ZNF251: variants seen among roughly 807,000 people sequenced by gnomAD.
ZNF251 encodes zinc finger protein 251.
A neutral mutation model predicts 13.5 loss-of-function variants in ZNF251; 14 were observed. The observed-to-expected ratio is 1.04, with a 90% CI of 0.69 to 1.63. ZNF251 has a LOEUF of 1.63. Among genes scored for constraint, ZNF251 ranks in the 40% most tolerant of loss-of-function variants. The probability of loss-of-function intolerance (pLI) is 0.00; values close to 1 mark genes in which losing one functional copy is unlikely to be tolerated. For synonymous variants in ZNF251, 287 were observed against 295.2 expected (o/e 0.97, Z 0.28); for missense variants, 764 against 834.9 (o/e 0.92, Z 1.05).
At chr8:144,750,965 T>C (rs1308233648) in intron 4 of ZNF251, among the ~76,000 whole-genome samples, 2 of 151,030 alleles carry the variant, frequency 1.3e-5, no homozygotes, top group Non-Finnish European at 2.9e-5. Context: ...TTCTCCTGCC[T>C]CAGCCTCCCG....
rs1057253764 is a variant in ZNF251 at position 144,748,639 on chromosome 8, C to T, written c.277+5044G>A. Among the ~76,000 whole-genome samples, 4 of 152,272 alleles carry T rather than the reference C, an allele frequency of 2.6e-5. No individual in the cohort carries two copies. In the East Asian group the frequency reaches 7.7e-4, roughly 29 times the overall value. On this transcript the variant is annotated intron_variant, in intron 4 of 4. Transcript: ENST00000292562. Reference sequence around the variant, plus strand: ...GCAGTGGTGCAATCACAGCTCACTACAACCTCAACTTCCTGGGCTCAAGCG... The same window carrying T: ...GCAGTGGTGCAATCACAGCTCACTATAACCTCAACTTCCTGGGCTCAAGCG...
rs1823395306 is a variant in ZNF251 at position 144,722,318 on chromosome 8, G to C, written c.1342C>G (p.Leu448Val). ...CGKAFRRSST[L>V]VQHRRVHTGE... ...GTGTGAACTCTTCGATGCTGAACAA[G>C]AGTGGAACTCCGACGAAAGGCTTTG... Residue 448 changes from leucine to valine, a missense_variant, in exon 5 of 5, where the codon CTT becomes GTT. Leu to Val is a conservative substitution (Grantham distance 32). Coordinates refer to ENST00000292562, the MANE Select transcript of ZNF251 (RefSeq NM_138367.2). This position sits in a 1 kb window ranked among gnomAD's most constrained non-coding sequence, Gnocchi z 4.8. The C allele has an allele frequency of 6.2e-7, 1 of 1,613,818 alleles. No individual in the cohort carries two copies. The highest frequency in any genetic ancestry group is 1.7e-5 in the Admixed American group (1 of 60,000).
In ZNF251 at chr8:144,752,777, G is replaced by A. The variant is rs572146408; in HGVS notation, c.277+906C>T. ...ACTGGAGATATAAGCCAGTAACAAAGCTGCGGATATGAGTTGTAAAGTGTT... is the reference window on the plus strand; with the variant it reads ...ACTGGAGATATAAGCCAGTAACAAAACTGCGGATATGAGTTGTAAAGTGTT... On this transcript the variant is annotated intron_variant, in intron 4 of 4. Transcript: ENST00000292562. Among the ~76,000 whole-genome samples the A allele has an allele frequency of 9.9e-5, 15 of 152,260 alleles. No individual in the cohort carries two copies. The South Asian group carries it at 2.9e-3, about 29-fold the overall frequency.
Position 144,734,290 on chromosome 8 carries a change from T to G in ZNF251, c.278-10908A>C, listed in dbSNP as rs544736837. 1.1e-4 allele frequency among the ~76,000 whole-genome samples: 16 copies of G among 152,352 alleles called. No homozygotes were observed. The highest frequency in any genetic ancestry group is 3.4e-4 in the African/African-American group (14 of 41,592). On this transcript the variant is annotated intron_variant, in intron 4 of 4. Transcript: ENST00000292562. This position sits in a 1 kb window ranked among gnomAD's most constrained non-coding sequence, Gnocchi z 4.4. Reference sequence around the variant, plus strand: ...TGGGCAATCCCTGCAGGGCTGGTCATGACCCCTTGCAAATATCCATGCTTT... The same window carrying G: ...TGGGCAATCCCTGCAGGGCTGGTCAGGACCCCTTGCAAATATCCATGCTTT...
chr8:144,742,215 A>G (rs1359682333), intron 4 of ZNF251, among the ~76,000 whole-genome samples: 1 of 148,784 alleles, frequency 6.7e-6, no homozygotes, highest in Non-Finnish European at 1.5e-5. Flanking sequence ...TGGGAAAAGG[A>G]AAAAAAAAAG....
chr8:144,726,229 G>C (rs1823514302), intron 4 of ZNF251, among the ~76,000 whole-genome samples: 1 of 141,220 alleles, frequency 7.1e-6, no homozygotes, highest in Non-Finnish European at 1.5e-5. Flanking sequence ...AGAATGCAAA[G>C]TTAGTATAGT....
At position 144,753,641 on chromosome 8, in the gene ZNF251, T is replaced by C. The variant is rs781206719; in HGVS notation, c.277+42A>G. 3.3e-6 allele frequency: 5 copies of C among 1,495,610 alleles called. No homozygotes were observed. In the Admixed American group the frequency reaches 5.9e-5, roughly 18 times the overall value. The allele number at this position is 1,495,610 out of a possible 1,614,324, so 92.6% of individuals were successfully genotyped here. On this transcript the variant is annotated intron_variant, in intron 4 of 4. Transcript: ENST00000292562. ...TCGCTTGGAGCCTCTTAAGGCAGGA[T>C]TGGGAGGCTGCTCCCAGGATTAGCA...
chr8:144,730,729 C>G (rs1823668749), intron 4 of ZNF251, among the ~76,000 whole-genome samples: 1 of 152,244 alleles, frequency 6.6e-6, no homozygotes. Flanking sequence ...TAGGGCAGGA[C>G]AGGACGGAGC....
intron 4 of ZNF251, chr8:144,730,198 C>G: frequency 1.2e-6 from 1 of 838,352 alleles, no homozygotes; most frequent in South Asian, 5.4e-5. Flanking sequence ...CCTCCAGGCG[C>G]GGGGCCCAGA....
In ZNF251 at chr8:144,723,251, A is replaced by G. The variant is rs768957564; in HGVS notation, c.409T>C (p.Trp137Arg). The change falls in exon 5 of 5, where the codon TGG (tryptophan) becomes CGG (arginine). Residue 137 changes from tryptophan (W) to arginine (R), a missense_variant. Trp to Arg is a moderately radical substitution (Grantham distance 101). Coordinates refer to ENST00000292562, the MANE Select transcript of ZNF251 (RefSeq NM_138367.2). The stretch of plus-strand genomic sequence containing the variant: ...TCTTTGAGTTTGCCCTCACGGCCCC[A>G]TGCTTCCCGAAACTCAGCGGCCTGT... ...NAQAAEFREAWGREGKLKERV... is the reference protein window; with the variant it reads ...NAQAAEFREARGREGKLKERV... The G allele has an allele frequency of 8.7e-6, 14 of 1,613,166 alleles. No individual in the cohort carries two copies. The Admixed American group carries it at 2.3e-4, about 27-fold the overall frequency.
intron 4 of ZNF251, among the ~76,000 whole-genome samples, chr8:144,749,516 T>A (rs928451709): frequency 2.0e-5 from 3 of 152,278 alleles, no homozygotes; most frequent in Admixed American, 6.5e-5. Context: ...AAAAGGTGAT[T>A]ACTGATGTTG....
intron 4 of ZNF251, 107 bp from the exon 5 acceptor site, chr8:144,723,489 T>C (rs2129922860): frequency 1.3e-6 from 1 of 755,186 alleles, no homozygotes; most frequent in Non-Finnish European, 1.8e-6. Context: ...AGGCAGATGC[T>C]CCAATAGGAA....
intron 4 of ZNF251, among the ~76,000 whole-genome samples, chr8:144,729,683 C>T (rs7011730): frequency 0.066 from 10,040 of 151,850 alleles, 1,070 homozygotes; most frequent in African/African-American, 0.23. Context: ...CTCATATCAA[C>T]GTAACTGCCC....
chr8:144,727,581 T>C (rs1171656944), intron 4 of ZNF251, among the ~76,000 whole-genome samples: 2 of 152,202 alleles, frequency 1.3e-5, no homozygotes, highest in African/African-American at 2.4e-5. Context: ...TTCAAGGTTT[T>C]CTTCTGCAGC....
intron 4 of ZNF251, 51 bp downstream of exon 4, chr8:144,753,632 A>T: frequency 1.4e-6 from 2 of 1,467,070 alleles, no homozygotes; most frequent in Non-Finnish European, 1.9e-6. Flanking sequence ...GGAGCCTCTT[A>T]AGGCAGGATT....
rs2130119559 is a variant in ZNF251, at chr8:144,754,209, C to T, written c.146G>A (p.Gly49Glu). 2 of 1,613,922 alleles carry T rather than the reference C, an allele frequency of 1.2e-6. No individual in the cohort carries two copies. Among genetic ancestry groups the T allele is most frequent in the African/African-American group, 2.7e-5 (2 of 75,046 alleles). Residue 49 changes from glycine to glutamate, a missense_variant, in exon 3 of 5, where the codon GGG (glycine) becomes GAG (glutamate). Physicochemically the swap from Gly to Glu is moderately conservative, Grantham distance 98. Coordinates refer to ENST00000292562, the MANE Select transcript of ZNF251 (RefSeq NM_138367.2). ...AGCCTCACCCAGAGAGGCCACGTTC[C>T]CATAGTTCTCCAGCATCACATCCCG... ...LYRDVMLENY[G>E]NVASLGFPVP... is the part of the protein sequence containing the mutation.
intron 4 of ZNF251, among the ~76,000 whole-genome samples, chr8:144,729,498 G>T (rs1488620547): frequency 6.6e-6 from 1 of 151,472 alleles, no homozygotes; most frequent in Non-Finnish European, 1.5e-5. Context: ...CACCACGCCC[G>T]GCTAATTTTT....
chr8:144,722,523 G>C lies in ZNF251; in HGVS notation c.1137C>G (p.Cys379Trp), dbSNP rs373860761. 5 of 1,612,676 alleles carry C rather than the reference G, an allele frequency of 3.1e-6. No homozygotes were observed. Among genetic ancestry groups the C allele is most frequent in the African/African-American group, 1.3e-5 (1 of 74,472 alleles). ...RIHTGEKPHKCNQCGKAFSQS... is the reference protein window; with the variant it reads ...RIHTGEKPHKWNQCGKAFSQS... ...GACTGAAGGCCTTCCCACACTGATT[G>C]CATTTATGGGGCTTCTCTCCAGTGT... The change falls in exon 5 of 5, where the codon TGC (cysteine) becomes TGG (tryptophan). Residue 379 changes from cysteine to tryptophan, a missense_variant. Cys to Trp is a radical substitution (Grantham distance 215, BLOSUM62 -2). Transcript: ENST00000292562. This position sits in a 1 kb window ranked among gnomAD's most constrained non-coding sequence, Gnocchi z 4.8.
intron 4 of ZNF251, among the ~76,000 whole-genome samples, chr8:144,728,326 A>G (rs894895507): frequency 1.3e-5 from 2 of 152,022 alleles, no homozygotes; most frequent in African/African-American, 4.8e-5. Flanking sequence ...TTACAATAGC[A>G]ACATTAAAGA....
Sources: gnomAD v4.1 joint callset for allele counts (sites outside exome capture counted in the v4.1 genomes callset) on GRCh38, gnomAD v4.1.1 for gene constraint, Gnocchi (gnomAD v3.1) non-coding constraint, MANE v1.5 for transcripts, NCBI Gene and HGNC (gene_info 2026-07-23, HGNC 2026-07-21) for gene names.